The following PADI2 variants were observed in gnomAD, a reference collection of about 807,000 sequenced individuals.
PADI2 encodes the protein protein-arginine deiminase type-2.
In PADI2, 70 loss-of-function variants were observed where a neutral mutation model predicts 81.1. That is an observed-to-expected ratio of 0.86 (90% CI 0.71 to 1.05). The LOEUF (loss-of-function observed/expected upper bound fraction) is 1.05. PADI2 is among the 50% of genes least tolerant of loss of function. The probability of loss-of-function intolerance (pLI) is 0.00; values close to 1 mark genes in which losing one functional copy is unlikely to be tolerated. For synonymous variants in PADI2, 338 were observed against 358.0 expected (o/e 0.94, Z 0.63); for missense variants, 853 against 889.9 (o/e 0.96, Z 0.53).
intron 3 of PADI2, among the ~76,000 whole-genome samples, chr1:17,102,269 A>AG (rs939343808): frequency 3.9e-5 from 6 of 152,210 alleles, no homozygotes; most frequent in African/African-American, 1.2e-4. Flanking sequence ...CCTCAGTTTC[A>AG]GGGGGTGGAG....
chr1:17,086,696 G>C lies in PADI2; in HGVS notation c.659C>G (p.Pro220Arg). The change falls in exon 7 of 16, where the codon CCG becomes CGG. Residue 220 changes from proline to arginine, a missense_variant. Coordinates refer to ENST00000375486, the MANE Select transcript of PADI2 (RefSeq NM_007365.3). ...DKVGVFYVEN[P>R]FFGQRYIHIL... The stretch of plus-strand genomic sequence containing the variant: ...GTGGATATAGCGTTGGCCGAAGAAC[G>C]GGTCTGGAGGGAAAAGGACCAACGT... The C allele has an allele frequency of 6.2e-7, 1 of 1,612,992 alleles. No homozygotes were observed. The highest frequency in any genetic ancestry group is 2.2e-5 in the East Asian group (1 of 44,812).
intron 4 of PADI2, among the ~76,000 whole-genome samples, chr1:17,095,529 A>C (rs1414191018): frequency 6.6e-6 from 1 of 152,216 alleles, no homozygotes; most frequent in Non-Finnish European, 1.5e-5. Flanking sequence ...CCTGGAACTG[A>C]GAATGATGAA....
intron 2 of PADI2, 134 bp from the exon 3 acceptor site, chr1:17,103,193 TC>T: frequency 1.5e-6 from 1 of 667,636 alleles, no homozygotes; most frequent in African/African-American, 1.8e-5. Flanking sequence ...CAGAACCCTC[TC>T]CTCCAGGAAG....
Position 17,113,426 on chromosome 1 carries a change from A to T in PADI2, c.92+5854T>A, listed in dbSNP as rs551678564. Among the ~76,000 whole-genome samples the T allele has an allele frequency of 3.9e-5, 6 of 152,292 alleles. 1 individual carries two copies. The highest frequency in any genetic ancestry group is 3.4e-3 in the Middle Eastern group (1 of 294). ...ATACCACTGTGATTTCATTTTACAG[A>T]TGAGCACATTGAGGCCCCTAGAGGG... On this transcript the variant is annotated intron_variant, in intron 1 of 15. Transcript: ENST00000375486.
intron 13 of PADI2, among the ~76,000 whole-genome samples, chr1:17,073,233 T>C (rs2078276536): frequency 6.6e-6 from 1 of 151,956 alleles, no homozygotes; most frequent in Admixed American, 6.6e-5. Context: ...CCGGCTAACA[T>C]GGTGAAACCC....
Position 17,104,844 on chromosome 1 carries a change from G to C in PADI2, c.276+34C>G, listed in dbSNP as rs371024463. The stretch of plus-strand genomic sequence containing the variant: ...CCTGCCTCTATCCTGGCATGGTCCC[G>C]GGCCCGCAGAGGCTGGACTTCCCGC... On this transcript the variant is annotated intron_variant, in intron 2 of 15. Coordinates refer to ENST00000375486, the MANE Select transcript of PADI2 (RefSeq NM_007365.3). 5.2e-6 allele frequency: 8 copies of C among 1,525,218 alleles called. No individual in the cohort carries two copies. In the African/African-American group the frequency reaches 1.1e-4, roughly 21 times the overall value. The allele number at this position is 1,525,218 out of a possible 1,614,324, so 94.5% of individuals were successfully genotyped here. A position where few individuals can be genotyped will look rare whatever the true frequency, so the allele number is the denominator to read the frequency against.
intron 11 of PADI2, among the ~76,000 whole-genome samples, chr1:17,077,709 C>T (rs540722105): frequency 4.6e-5 from 7 of 152,282 alleles, no homozygotes; most frequent in East Asian, 1.9e-4. Context: ...GGCAAACAGT[C>T]GCTGGCTGTG....
chr1:17,071,366 C>G (rs200356764), intron 14 of PADI2, 40 bp downstream of exon 14: 23 of 1,478,472 alleles, frequency 1.6e-5, no homozygotes, highest in African/African-American at 5.5e-5. Context: ...CTCATCCCTC[C>G]CAGGGGCCCT....
chr1:17,088,474 C>G (rs1396039496), intron 6 of PADI2, among the ~76,000 whole-genome samples: 1 of 152,178 alleles, frequency 6.6e-6, no homozygotes, highest in East Asian at 1.9e-4. Flanking sequence ...GAAGCCAGGG[C>G]TTGGGATGGC....
At chr1:17,109,519 C>T (rs1053571983) in intron 1 of PADI2, among the ~76,000 whole-genome samples, 6 of 150,312 alleles carry the variant, frequency 4.0e-5, no homozygotes, top group African/African-American at 7.3e-5. Context: ...AACTGAGAGT[C>T]GTGCTCTGTC....
chr1:17,109,619 T>C (rs1931504849), intron 1 of PADI2, among the ~76,000 whole-genome samples: 1 of 151,572 alleles, frequency 6.6e-6, no homozygotes, highest in African/African-American at 2.4e-5. Flanking sequence ...GCCTCCCAAG[T>C]AGTTGGGACT....
chr1:17,100,909 C>A (rs906180141), intron 3 of PADI2, among the ~76,000 whole-genome samples: 1 of 152,138 alleles, frequency 6.6e-6, no homozygotes, highest in Non-Finnish European at 1.5e-5. Flanking sequence ...ATCTGCCCAC[C>A]TTGGCCTCCC....
rs775864958 is a variant in PADI2 at position 17,086,543 on chromosome 1, C to T, written c.812G>A (p.Ser271Asn). 12 of 1,613,484 alleles carry T rather than the reference C, an allele frequency of 7.4e-6. No homozygotes were observed. Among genetic ancestry groups the T allele is most frequent in the Admixed American group, 1.7e-5 (1 of 59,980 alleles). Residue 271 changes from serine to asparagine, a missense_variant, in exon 7 of 16, where the codon AGC becomes AAC. By Grantham distance (46) the Ser-to-Asn change is conservative (BLOSUM62 1). Coordinates refer to ENST00000375486, the MANE Select transcript of PADI2 (RefSeq NM_007365.3). ...CACCTGGGCCATGTACTCCAGCAGG[C>T]TGACATGGATGGAGACCAGGCCTGA... ...GFSGLVSIHV[S>N]LLEYMAQDIP...
chr1:17,092,948 CAAAA>C (rs1175202023), intron 5 of PADI2, among the ~76,000 whole-genome samples: 8 of 60,114 alleles, frequency 1.3e-4, no homozygotes, highest in African/African-American at 3.1e-4. Flanking sequence ...GGCCTTGTCT[CAAAA>C]AAAAAAAAAA....
rs1405008890 is a variant in PADI2, at chr1:17,070,225, G to A, written c.1636-9C>T. On this transcript the variant is annotated splice_polypyrimidine_tract_variant and intron_variant, in intron 14 of 15. Transcript: ENST00000375486. Reference sequence around the variant, plus strand: ...TTCCAGTCTAGGCAGCGCTGGGTAGGAGAAAGGATGGAGGGCATGCAGGTG... The same window carrying A: ...TTCCAGTCTAGGCAGCGCTGGGTAGAAGAAAGGATGGAGGGCATGCAGGTG... 1.9e-6 allele frequency: 3 copies of A among 1,613,452 alleles called. No individual in the cohort carries two copies. The highest frequency in any genetic ancestry group is 2.5e-6 in the Non-Finnish European group (3 of 1,179,764).
intron 11 of PADI2, 50 bp from the exon 12 acceptor site, chr1:17,075,873 G>C (rs1344467479): frequency 1.3e-6 from 2 of 1,581,258 alleles, no homozygotes; most frequent in Non-Finnish European, 1.7e-6. Context: ...CCGCACCAGA[G>C]GGCCTGCAAG....
Position 17,069,132 on chromosome 1 carries a change from G to A in PADI2, c.1910C>T (p.Ala637Val). ...GACTTCCCCCAGAAATTTGTGGTAG[G>A]CAGAAATGTCGTCGATGAAGGTGCA... ...LECTFIDDISAYHKFLGEVHC... is the reference protein window; with the variant it reads ...LECTFIDDISVYHKFLGEVHC... Residue 637 changes from alanine (A) to valine (V), a missense_variant, in exon 16 of 16, where the codon GCC (alanine) becomes GTC (valine). Ala to Val is a moderately conservative substitution (Grantham distance 64). Transcript: ENST00000375486. 1 of 1,614,240 alleles carries A rather than the reference G, an allele frequency of 6.2e-7. No individual in the cohort carries two copies. Among genetic ancestry groups the A allele is most frequent in the South Asian group, 1.1e-5 (1 of 91,092 alleles).
Position 17,119,374 on chromosome 1 carries a change from TC to T in PADI2, c.-4del. 1 of 1,526,474 alleles carries T rather than the reference TC, an allele frequency of 6.6e-7. No individual in the cohort carries two copies. The highest frequency in any genetic ancestry group is 8.8e-7 in the Non-Finnish European group (1 of 1,137,048). 94.6% of individuals were successfully genotyped at this position (1,526,474 alleles called of 1,614,324 possible). A position where few individuals can be genotyped will look rare whatever the true frequency, so the allele number is the denominator to read the frequency against. ...CGCACGGTCCGCTCGCGCAGCATCC[TC>T]CCCGCCGCAGTGCCCGCGCTCGCTG... On this transcript the variant is annotated 5_prime_UTR_variant, in exon 1 of 16. Transcript: ENST00000375486. The surrounding 1 kb of genome is among the most constrained non-coding windows in gnomAD (Gnocchi z 4.8).
rs531700631 is a variant in PADI2 at position 17,101,933 on chromosome 1, G to A, written c.349+1054C>T. Among the ~76,000 whole-genome samples the A allele has an allele frequency of 2.6e-5, 4 of 152,230 alleles. No homozygotes were observed. In the East Asian group the frequency reaches 5.8e-4, roughly 22 times the overall value. Reference sequence around the variant, plus strand: ...TGGAAGAAGAGATTGAAATCGTGACGGTAAAACATTGAGTACTGGAGCCTG... The same window carrying A: ...TGGAAGAAGAGATTGAAATCGTGACAGTAAAACATTGAGTACTGGAGCCTG... On this transcript the variant is annotated intron_variant, in intron 3 of 15. Coordinates refer to ENST00000375486, the MANE Select transcript of PADI2 (RefSeq NM_007365.3).
Sources: gnomAD v4.1 joint callset for allele counts (sites outside exome capture counted in the v4.1 genomes callset) on GRCh38, gnomAD v4.1.1 for gene constraint, Gnocchi (gnomAD v3.1) non-coding constraint, MANE v1.5 for transcripts, NCBI Gene and HGNC (gene_info 2026-07-23, HGNC 2026-07-21) for gene names.